Variants in EGFLAM observed in about 807,000 individuals in gnomAD.
The protein encoded by EGFLAM is EGF like, fibronectin type III and laminin G domains, also known as pikachurin.
EGFLAM carries 79 observed loss-of-function variants against 113.1 expected under a neutral mutation model. The ratio of observed to expected loss-of-function variants is 0.70; its 90% CI spans 0.58 to 0.84. The LOEUF (loss-of-function observed/expected upper bound fraction) is 0.84, where lower values mean the gene tolerates loss of function less well. Among genes scored for constraint, EGFLAM ranks in the 40% least tolerant of loss-of-function variants. The pLI, the probability that EGFLAM is intolerant of heterozygous loss-of-function variation, is 0.00. For missense variants in EGFLAM, 1,265 were observed against 1,291.6 expected (o/e 0.98, Z 0.32); for synonymous variants, 504 against 487.6 (o/e 1.03, Z -0.44).
rs1579750423 is a variant in EGFLAM, at chr5:38,305,703, A to T, written c.98-31817A>T. Reference sequence around the variant, plus strand: ...TCTGAATGTCTTGAGAAGAGATTTAAAAGACTGGCAAAAGTACAAATTTTA... The same window carrying T: ...TCTGAATGTCTTGAGAAGAGATTTATAAGACTGGCAAAAGTACAAATTTTA... On this transcript the variant is annotated intron_variant, in intron 1 of 21. Transcript: ENST00000322350. 6 of 175,596 alleles carry T rather than the reference A, an allele frequency of 3.4e-5. No homozygotes were observed. The South Asian group carries it at 6.0e-4, about 17-fold the overall frequency. The allele number at this position is 175,596 out of a possible 1,614,324, so 10.9% of individuals were successfully genotyped here.
intron 11 of EGFLAM, among the ~76,000 whole-genome samples, chr5:38,417,573 C>T (rs888403408): frequency 2.0e-5 from 3 of 151,844 alleles, no homozygotes; most frequent in Non-Finnish European, 2.9e-5. Flanking sequence ...TCCCCTCCAC[C>T]CCCCGTCCAC....
intron 3 of EGFLAM, among the ~76,000 whole-genome samples, chr5:38,340,815 C>CTGTG (rs1171876090): frequency 9.5e-5 from 12 of 126,666 alleles, no homozygotes; most frequent in Non-Finnish European, 1.9e-4. Context: ...CTCTCAATCT[C>CTGTG]TGTGTGTGTG....
At chr5:38,404,314 T>G (rs1741209995) in intron 6 of EGFLAM, among the ~76,000 whole-genome samples, 1 of 152,164 alleles carries the variant, frequency 6.6e-6, no homozygotes, top group Non-Finnish European at 1.5e-5. Flanking sequence ...GGTGGAGTCC[T>G]TGTGAATGGG....
intron 3 of EGFLAM, among the ~76,000 whole-genome samples, chr5:38,348,706 G>A (rs1739538971): frequency 6.6e-6 from 1 of 152,148 alleles, no homozygotes; most frequent in Admixed American, 6.5e-5. Flanking sequence ...AGGAGCTAGG[G>A]GTGCAGGTAT....
intron 12 of EGFLAM, among the ~76,000 whole-genome samples, chr5:38,424,762 C>A (rs971528412): frequency 6.6e-6 from 1 of 152,158 alleles, no homozygotes; most frequent in African/African-American, 2.4e-5. Context: ...GCTCTTCATA[C>A]AGGACAAACC....
chr5:38,424,635 A>G (rs2112183275), intron 12 of EGFLAM, among the ~76,000 whole-genome samples: 1 of 152,344 alleles, frequency 6.6e-6, no homozygotes, highest in African/African-American at 2.4e-5. Flanking sequence ...TGTTGGGAGC[A>G]AGAGAGAGAT....
chr5:38,338,882 A>G, intron 3 of EGFLAM, 101 bp downstream of exon 3: 2 of 931,614 alleles, frequency 2.1e-6, no homozygotes. Context: ...AATAATAATA[A>G]CTAATGCTTG....
intron 10 of EGFLAM, among the ~76,000 whole-genome samples, chr5:38,412,017 C>T (rs1291335418): frequency 1.3e-5 from 2 of 151,860 alleles, no homozygotes; most frequent in Non-Finnish European, 2.9e-5. Flanking sequence ...TCAGGCTGGT[C>T]TCGAACTCCT....
At chr5:38,460,028 C>T (rs1003428384) in intron 20 of EGFLAM, among the ~76,000 whole-genome samples, 3 of 152,316 alleles carry the variant, frequency 2.0e-5, no homozygotes, top group Admixed American at 2.0e-4. Context: ...AGCCTAACTC[C>T]AAAATACTCC....
At chr5:38,421,483 G>A (rs1170523455) in intron 12 of EGFLAM, among the ~76,000 whole-genome samples, 3 of 152,202 alleles carry the variant, frequency 2.0e-5, no homozygotes, top group African/African-American at 4.8e-5. Flanking sequence ...GTCTCACTAT[G>A]GCTTACGAGC....
Position 38,269,513 on chromosome 5 carries a change from G to A in EGFLAM, c.97+10662G>A, listed in dbSNP as rs977550183. ...TTTTCTTTTTTTTTTTTTTTTAGAC[G>A]GAGTCTTGCTCTGTTGCCCAGGCTG... On this transcript the variant is annotated intron_variant, in intron 1 of 21. Coordinates refer to ENST00000322350, the MANE Select transcript of EGFLAM (RefSeq NM_152403.4). Among the ~76,000 whole-genome samples, 59 of 144,444 alleles carry A rather than the reference G, an allele frequency of 4.1e-4. 1 individual carries two copies. Among genetic ancestry groups the A allele is most frequent in the African/African-American group, 1.2e-3 (47 of 38,446 alleles). The allele number at this position is 144,444 out of a possible 152,430, so 94.8% of individuals were successfully genotyped here. A position where few individuals can be genotyped will look rare whatever the true frequency, so the allele number is the denominator to read the frequency against.
chr5:38,316,677 C>A (rs972401265), intron 1 of EGFLAM, among the ~76,000 whole-genome samples: 3 of 152,182 alleles, frequency 2.0e-5, no homozygotes, highest in Admixed American at 2.0e-4. Context: ...TGACACTCCA[C>A]TGCCTTCCAA....
At chr5:38,372,837 T>A (rs1740260487) in intron 6 of EGFLAM, among the ~76,000 whole-genome samples, 1 of 152,244 alleles carries the variant, frequency 6.6e-6, no homozygotes, top group Non-Finnish European at 1.5e-5. Context: ...ATCGTGGTTT[T>A]TCTCCTTGAT....
At chr5:38,404,462 T>A (rs1741215088) in intron 6 of EGFLAM, among the ~76,000 whole-genome samples, 4 of 152,296 alleles carry the variant, frequency 2.6e-5, no homozygotes. Flanking sequence ...CCTGCAGAAC[T>A]GTGAAAAATA....
chr5:38,336,091 G>T (rs995175862), intron 1 of EGFLAM, among the ~76,000 whole-genome samples: 2 of 152,024 alleles, frequency 1.3e-5, no homozygotes, highest in African/African-American at 4.8e-5. Flanking sequence ...TAGCAATAGC[G>T]GGATGACAAA....
At chr5:38,451,825 T>C (rs980719780) in intron 19 of EGFLAM, among the ~76,000 whole-genome samples, 2 of 151,894 alleles carry the variant, frequency 1.3e-5, no homozygotes, top group Non-Finnish European at 2.9e-5. Context: ...ACCCCATCTC[T>C]ACTAAAAAAT....
chr5:38,270,707 G>T (rs570618192), intron 1 of EGFLAM, among the ~76,000 whole-genome samples: 4 of 152,244 alleles, frequency 2.6e-5, no homozygotes, highest in Admixed American at 2.6e-4. Context: ...TATTTCATCT[G>T]AAATTTAAGG....
At chr5:38,267,291 T>G (rs910300436) in intron 1 of EGFLAM, among the ~76,000 whole-genome samples, 1 of 152,238 alleles carries the variant, frequency 6.6e-6, no homozygotes, top group Admixed American at 6.5e-5. Context: ...CTTGCTGCAA[T>G]AAGTTTATAT....
rs147320207 is a variant in EGFLAM at position 38,451,402 on chromosome 5, G to A, written c.2631G>A (p.Met877Ile). 2.8e-5 allele frequency: 46 copies of A among 1,614,132 alleles called. No homozygotes were observed. Among genetic ancestry groups the A allele is most frequent in the Non-Finnish European group, 3.8e-5 (45 of 1,180,056 alleles). ...TGCTGTGGAGGGGAGACAGCCCCATGAGACCCAACAGCGACTTCATTTCCT... is the reference window on the plus strand; with the variant it reads ...TGCTGTGGAGGGGAGACAGCCCCATAAGACCCAACAGCGACTTCATTTCCT... ...GLLLWRGDSP[M>I]RPNSDFISLG... Residue 877 changes from methionine (M) to isoleucine (I), a missense_variant, in exon 19 of 22, where the codon ATG (methionine) becomes ATA (isoleucine). Physicochemically the swap from Met to Ile is conservative, Grantham distance 10. Coordinates refer to ENST00000322350, the MANE Select transcript of EGFLAM (RefSeq NM_152403.4).
Sources: allele counts gnomAD v4.1 joint callset (sites outside exome capture counted in the v4.1 genomes callset), GRCh38; gene constraint gnomAD v4.1.1; transcripts MANE v1.5; gene names NCBI Gene and HGNC (gene_info 2026-07-23, HGNC 2026-07-21).